The following MECOM variants were observed in gnomAD, a reference collection of about 807,000 sequenced individuals.
The protein encoded by MECOM is histone-lysine N-methyltransferase MECOM.
In MECOM, 13 loss-of-function variants were observed where a neutral mutation model predicts 116.3. The observed-to-expected ratio is 0.11, with a 90% confidence interval of 0.07 to 0.18. The LOEUF (loss-of-function observed/expected upper bound fraction) is 0.18, where lower values mean the gene tolerates loss of function less well. Among genes scored for constraint, MECOM ranks in the 10% least tolerant of loss-of-function variants. The pLI is 1.00. For synonymous variants in MECOM, 528 were observed against 535.2 expected (o/e 0.99, Z 0.19); for missense variants, 1,299 against 1,509.0 (o/e 0.86, Z 2.31).
chr3:169,157,339 A>G (rs1742147007), intron 2 of MECOM, among the ~76,000 whole-genome samples: 1 of 152,360 alleles, frequency 6.6e-6, no homozygotes, highest in Non-Finnish European at 1.5e-5. Context: ...GTCATTATCA[A>G]TGATTTCATG....
chr3:169,509,947 C>T, intron 1 of MECOM, among the ~76,000 whole-genome samples: 1 of 152,250 alleles, frequency 6.6e-6, no homozygotes, highest in East Asian at 1.9e-4. Context: ...CTTTGTACCA[C>T]ACCAACTACC....
At chr3:169,353,101 T>C (rs568597754) in intron 2 of MECOM, among the ~76,000 whole-genome samples, 1 of 152,008 alleles carries the variant, frequency 6.6e-6, no homozygotes, top group South Asian at 2.1e-4. Context: ...AAACACTGCT[T>C]TTTTCCTTCT....
chr3:169,208,207 A>ATATGTG (rs1553768195), intron 2 of MECOM, among the ~76,000 whole-genome samples: 1 of 147,914 alleles, frequency 6.8e-6, no homozygotes, highest in Non-Finnish European at 1.5e-5. Context: ...ATATATATAT[A>ATATGTG]TGTGTGTGTG....
intron 1 of MECOM, among the ~76,000 whole-genome samples, chr3:169,633,471 C>A (rs930389065): frequency 6.6e-6 from 1 of 152,140 alleles, no homozygotes; most frequent in Non-Finnish European, 1.5e-5. Flanking sequence ...ACTCACTAGT[C>A]TCACTAAAAC....
intron 14 of MECOM, among the ~76,000 whole-genome samples, chr3:169,090,527 T>C (rs1025021244): frequency 8.5e-5 from 13 of 152,090 alleles, no homozygotes; most frequent in Non-Finnish European, 2.9e-5. Context: ...TGATAATTGA[T>C]ATTGCTATAT....
chr3:169,408,740 T>C (rs987942597), intron 1 of MECOM, among the ~76,000 whole-genome samples: 44 of 152,294 alleles, frequency 2.9e-4, no homozygotes, highest in African/African-American at 1.0e-3. Flanking sequence ...TTAATCCTGG[T>C]TGGCTGTATG....
chr3:169,658,448 G>T (rs554542114), intron 1 of MECOM, among the ~76,000 whole-genome samples: 2 of 152,338 alleles, frequency 1.3e-5, no homozygotes, highest in South Asian at 2.1e-4. Context: ...AAGCCAAGAC[G>T]TGTGTGGGTG....
intron 10 of MECOM, 49 bp downstream of exon 10, chr3:169,107,877 C>A (rs1576949705): frequency 6.6e-7 from 1 of 1,523,970 alleles, no homozygotes. Flanking sequence ...AAGCTGTTTT[C>A]TTTTTAATGC....
chr3:169,331,022 C>G (rs917660624), intron 2 of MECOM, among the ~76,000 whole-genome samples: 4 of 151,946 alleles, frequency 2.6e-5, no homozygotes, highest in African/African-American at 9.7e-5. Flanking sequence ...TATGCCACCA[C>G]AAATGTGACT....
At chr3:169,115,017 T>C (rs1448182984) in intron 8 of MECOM, among the ~76,000 whole-genome samples, 1 of 152,162 alleles carries the variant, frequency 6.6e-6, no homozygotes, top group Admixed American at 6.5e-5. Flanking sequence ...ACCTGACCCA[T>C]TTAAGTACCC....
intron 1 of MECOM, among the ~76,000 whole-genome samples, chr3:169,415,146 A>G (rs1055016150): frequency 3.3e-5 from 5 of 152,238 alleles, no homozygotes; most frequent in Non-Finnish European, 7.3e-5. Context: ...AGGTCAGGTT[A>G]CACACAAACA....
rs139022411 is a variant in MECOM at position 169,245,541 on chromosome 3, G to C, written c.376-101709C>G. ...TTAGTTTTAAATAATCATTTTTATA[G>C]AACTAATAATTTTTTTAAAAAATTC... On this transcript the variant is annotated intron_variant, in intron 2 of 16. Transcript: ENST00000651503. Among the ~76,000 whole-genome samples the C allele has an allele frequency of 6.6e-4, 100 of 152,224 alleles. No individual in the cohort carries two copies. In the East Asian group the frequency reaches 7.3e-3, roughly 11 times the overall value.
At chr3:169,645,324 C>T (rs1774034068) in intron 1 of MECOM, among the ~76,000 whole-genome samples, 1 of 152,054 alleles carries the variant, frequency 6.6e-6, no homozygotes, top group Admixed American at 6.6e-5. Context: ...TTTCCCTGCA[C>T]ACCTTCTGTA....
At chr3:169,650,440 A>C (rs1382540002) in intron 1 of MECOM, among the ~76,000 whole-genome samples, 1 of 152,126 alleles carries the variant, frequency 6.6e-6, no homozygotes, top group East Asian at 1.9e-4. Context: ...AAACTCTGAC[A>C]ACTTACTTAT....
intron 1 of MECOM, among the ~76,000 whole-genome samples, chr3:169,400,036 G>A (rs1187459403): frequency 1.3e-5 from 2 of 152,114 alleles, no homozygotes; most frequent in African/African-American, 4.8e-5. Flanking sequence ...GAACAAGGTA[G>A]GTATTTTCCC....
chr3:169,435,395 CATT>C (rs1176383427), intron 1 of MECOM, among the ~76,000 whole-genome samples: 1 of 152,108 alleles, frequency 6.6e-6, no homozygotes, highest in Non-Finnish European at 1.5e-5. Flanking sequence ...GACCCTCAGT[CATT>C]AGTGAGTGAA....
rs552544425 is a variant in MECOM, at chr3:169,190,963, A to G, written c.376-47131T>C. 7.2e-5 allele frequency among the ~76,000 whole-genome samples: 11 copies of G among 152,104 alleles called. No individual in the cohort carries two copies. In the South Asian group the frequency reaches 2.1e-3, roughly 29 times the overall value. On this transcript the variant is annotated intron_variant, in intron 2 of 16. Coordinates refer to ENST00000651503, the MANE Select transcript of MECOM (RefSeq NM_004991.4). ...ATCTACTCTTACACTTTCAATATGT[A>G]CAGAGTAGGCAATTTTACCCATAGA...
At chr3:169,168,544 C>T (rs1304948192) in intron 2 of MECOM, among the ~76,000 whole-genome samples, 4 of 151,834 alleles carry the variant, frequency 2.6e-5, no homozygotes, top group African/African-American at 9.7e-5. Context: ...TAGTTATGGG[C>T]AAATCAAAAA....
At chr3:169,173,568 C>G (rs1744749422) in intron 2 of MECOM, among the ~76,000 whole-genome samples, 2 of 152,174 alleles carry the variant, frequency 1.3e-5, no homozygotes, top group African/African-American at 4.8e-5. Flanking sequence ...CTATGACTCT[C>G]TCAGATCCCA....
Sources: allele counts gnomAD v4.1 joint callset (sites outside exome capture counted in the v4.1 genomes callset), GRCh38; gene constraint gnomAD v4.1.1; transcripts MANE v1.5; gene names NCBI Gene and HGNC (gene_info 2026-07-23, HGNC 2026-07-21).